ADAMTS16: variants seen among roughly 807,000 people sequenced by gnomAD.
The protein encoded by ADAMTS16 is ADAM metallopeptidase with thrombospondin type 1 motif 16.
In ADAMTS16, 94 loss-of-function variants were observed where a neutral mutation model predicts 145.8. The observed-to-expected ratio is 0.64, with a 90% CI of 0.55 to 0.77. The LOEUF (loss-of-function observed/expected upper bound fraction) is 0.77, where lower values mean the gene tolerates loss of function less well. Ranked by LOEUF, ADAMTS16 falls within the 30% of genes least tolerant of loss-of-function variation. ADAMTS16 has a pLI of 0.00. For synonymous variants in ADAMTS16, 659 were observed against 604.3 expected (o/e 1.09, Z -1.33); for missense variants, 1,585 against 1,591.5 (o/e 1.00, Z 0.07).
At chr5:5,297,532 G>A (rs1306441354) in intron 18 of ADAMTS16, among the ~76,000 whole-genome samples, 1 of 152,212 alleles carries the variant, frequency 6.6e-6, no homozygotes, top group Non-Finnish European at 1.5e-5. Context: ...GTTTTGAAAA[G>A]CGAGGTCAGT....
chr5:5,177,247 G>T (rs1200002546), intron 3 of ADAMTS16, among the ~76,000 whole-genome samples: 3 of 152,218 alleles, frequency 2.0e-5, no homozygotes, highest in African/African-American at 7.2e-5. Flanking sequence ...TTGTCAGAGT[G>T]TCCAGTGTCA....
chr5:5,303,556 T>G lies in ADAMTS16; in HGVS notation c.2992-16T>G. The stretch of plus-strand genomic sequence containing the variant: ...CATGGCCCTCACTGGGTGCTTATCC[T>G]GACTGTTCTGTGCAGTGCTCACACA... On this transcript the variant is annotated splice_polypyrimidine_tract_variant and intron_variant, in intron 19 of 22. Transcript: ENST00000274181. 6.2e-7 allele frequency: 1 copy of G among 1,613,120 alleles called. No individual in the cohort carries two copies. The highest frequency in any genetic ancestry group is 8.5e-7 in the Non-Finnish European group (1 of 1,179,254).
At chr5:5,271,485 G>A (rs79619938) in intron 18 of ADAMTS16, among the ~76,000 whole-genome samples, 93 of 152,390 alleles carry the variant, frequency 6.1e-4, no homozygotes, top group African/African-American at 2.1e-3. Flanking sequence ...TCCCGCGGCT[G>A]CCCCGCCCCC....
At chr5:5,245,163 A>G (rs1737402115) in intron 17 of ADAMTS16, among the ~76,000 whole-genome samples, 1 of 152,170 alleles carries the variant, frequency 6.6e-6, no homozygotes, top group Non-Finnish European at 1.5e-5. Context: ...TAAATCCTCA[A>G]TTACTTTAAG....
intron 3 of ADAMTS16, among the ~76,000 whole-genome samples, chr5:5,154,293 AG>A (rs1235256671): frequency 6.6e-6 from 1 of 152,232 alleles, no homozygotes; most frequent in Non-Finnish European, 1.5e-5. Context: ...TTTTGGATAA[AG>A]AACGGCCAAA....
At chr5:5,170,344 A>G (rs1234212446) in intron 3 of ADAMTS16, among the ~76,000 whole-genome samples, 2 of 151,874 alleles carry the variant, frequency 1.3e-5, no homozygotes, top group East Asian at 1.9e-4. Context: ...ACGTCTATTC[A>G]TATCTTTTGC....
intron 7 of ADAMTS16, among the ~76,000 whole-genome samples, chr5:5,190,736 G>A (rs974772546): frequency 9.2e-5 from 14 of 152,066 alleles, no homozygotes; most frequent in African/African-American, 3.1e-4. Flanking sequence ...TTCAGATAAA[G>A]CCCAATTTAA....
At chr5:5,305,786 C>A (rs1274059129) in intron 20 of ADAMTS16, among the ~76,000 whole-genome samples, 1 of 152,192 alleles carries the variant, frequency 6.6e-6, no homozygotes, top group Non-Finnish European at 1.5e-5. Context: ...TCCGCTCTAC[C>A]CCAGCAGGAG....
intron 21 of ADAMTS16, among the ~76,000 whole-genome samples, chr5:5,315,658 G>A (rs530857108): frequency 5.3e-5 from 8 of 152,262 alleles, no homozygotes; most frequent in East Asian, 1.9e-4. Flanking sequence ...GGTTCTCGGC[G>A]CACTGTGTGA....
Position 5,186,115 on chromosome 5 carries a change from G to A in ADAMTS16, c.827G>A (p.Arg276Gln), listed in dbSNP as rs1486827838. ...CCAGATGAGTATAAGTCTTGCTTAC[G>A]GCATAAGCGCTCTCTTCTGAGGTCC... ...ILPDEYKSCL[R>Q]HKRSLLRSHR... The change falls in exon 5 of 23, where the codon CGG becomes CAG. Residue 276 changes from arginine (R) to glutamine (Q), a missense_variant. By Grantham distance (43) the Arg-to-Gln change is conservative. Around this residue, in one of 3 missense-constraint regions of ADAMTS16, gnomAD observed 453 missense variants for 412.1 expected, o/e 1.10. Coordinates refer to ENST00000274181, the MANE Select transcript of ADAMTS16 (RefSeq NM_139056.4). The A allele has an allele frequency of 2.5e-6, 4 of 1,613,924 alleles. No individual in the cohort carries two copies. The highest frequency in any genetic ancestry group is 3.4e-6 in the Non-Finnish European group (4 of 1,180,044).
rs116554495 is a variant in ADAMTS16 at position 5,317,862 on chromosome 5, G to C, written c.3412-272G>C. 2.6e-3 allele frequency among the ~76,000 whole-genome samples: 399 copies of C among 152,300 alleles called. 2 individuals are homozygous for C. Among genetic ancestry groups the C allele is most frequent in the African/African-American group, 9.4e-3 (389 of 41,570 alleles). Reference sequence around the variant, plus strand: ...TGTCTTCTATCTGAAAACAGGAAGGGTTCCAGGAGCTATGTCAGCTGGTTG... The same window carrying C: ...TGTCTTCTATCTGAAAACAGGAAGGCTTCCAGGAGCTATGTCAGCTGGTTG... On this transcript the variant is annotated intron_variant, in intron 21 of 22. Coordinates refer to ENST00000274181, the MANE Select transcript of ADAMTS16 (RefSeq NM_139056.4). The surrounding 1 kb of genome is among the most constrained non-coding windows in gnomAD (Gnocchi z 4.5).
At chr5:5,176,415 A>C (rs1224393461) in intron 3 of ADAMTS16, among the ~76,000 whole-genome samples, 2 of 152,334 alleles carry the variant, frequency 1.3e-5, no homozygotes, top group South Asian at 2.1e-4. Flanking sequence ...CTAATCAAAA[A>C]TTATATCACT....
intron 3 of ADAMTS16, among the ~76,000 whole-genome samples, chr5:5,154,281 G>GT (rs141740873): frequency 0.016 from 2,432 of 152,254 alleles, 58 homozygotes; most frequent in African/African-American, 0.055. Flanking sequence ...CAGCTATTAG[G>GT]TTTTTGGATA....
At chr5:5,189,859 T>C in intron 6 of ADAMTS16, 112 bp from the exon 7 acceptor site, 2 of 1,342,634 alleles carry the variant, frequency 1.5e-6, no homozygotes, top group South Asian at 2.5e-5. Flanking sequence ...GCCATCCAGA[T>C]CCAGCCATGT....
At chr5:5,209,059 C>T (rs746640737) in intron 9 of ADAMTS16, 34 bp from the exon 10 acceptor site, 3 of 1,598,786 alleles carry the variant, frequency 1.9e-6, no homozygotes, top group Non-Finnish European at 2.6e-6. Context: ...ACTCTACGGG[C>T]AGTTACTAGT....
At chr5:5,292,166 G>A (rs1359827872) in intron 18 of ADAMTS16, among the ~76,000 whole-genome samples, 1 of 152,160 alleles carries the variant, frequency 6.6e-6, no homozygotes, top group Non-Finnish European at 1.5e-5. Flanking sequence ...TTCCTCTAGT[G>A]TCTTATTCAT....
rs552818526 is a variant in ADAMTS16 at position 5,197,509 on chromosome 5, T to G, written c.1314-2623T>G. ...GCTGTGAGCATGGATAAGAGGCGTC[T>G]CTGTCTTTTAGAAACTTATAAACTA... On this transcript the variant is annotated intron_variant, in intron 8 of 22. Coordinates refer to ENST00000274181, the MANE Select transcript of ADAMTS16 (RefSeq NM_139056.4). Among the ~76,000 whole-genome samples the G allele has an allele frequency of 3.9e-5, 6 of 152,336 alleles. No homozygotes were observed. In the South Asian group the frequency reaches 1.2e-3, roughly 32 times the overall value.
intron 3 of ADAMTS16, among the ~76,000 whole-genome samples, chr5:5,162,120 G>A (rs1418348181): frequency 6.6e-6 from 1 of 152,124 alleles, no homozygotes; most frequent in Non-Finnish European, 1.5e-5. Flanking sequence ...ATGTGCCAGT[G>A]ATATAATTTG....
chr5:5,284,448 T>C (rs574813278), intron 18 of ADAMTS16, among the ~76,000 whole-genome samples: 1 of 152,250 alleles, frequency 6.6e-6, no homozygotes, highest in Non-Finnish European at 1.5e-5. Context: ...GAATTGTCTA[T>C]GTAAGTGGAT....
Sources: allele counts gnomAD v4.1 joint callset (sites outside exome capture counted in the v4.1 genomes callset), GRCh38; gene constraint gnomAD v4.1.1; regional missense constraint gnomAD v4.1.1; non-coding constraint Gnocchi (gnomAD v3.1); transcripts MANE v1.5; gene names NCBI Gene and HGNC (gene_info 2026-07-23, HGNC 2026-07-21).